The following CACNA2D3 variants were observed in gnomAD, a reference collection of about 807,000 sequenced individuals.
CACNA2D3 encodes the protein calcium voltage-gated channel auxiliary subunit alpha2delta 3, also known as voltage-dependent calcium channel subunit alpha-2/delta-3.
A neutral mutation model predicts 160.6 loss-of-function variants in CACNA2D3; 60 were observed. The ratio of observed to expected loss-of-function variants is 0.37; its 90% CI spans 0.30 to 0.46. The LOEUF is 0.46. Ranked by LOEUF, CACNA2D3 falls within the 20% of genes least tolerant of loss-of-function variation. The probability of loss-of-function intolerance (pLI) is 1.00; values close to 1 mark genes in which losing one functional copy is unlikely to be tolerated. For synonymous variants in CACNA2D3, 558 were observed against 492.9 expected (o/e 1.13, Z -1.75); for missense variants, 1,205 against 1,365.0 (o/e 0.88, Z 1.85).
At chr3:54,388,738 T>G (rs1246992973) in intron 4 of CACNA2D3, among the ~76,000 whole-genome samples, 1 of 152,304 alleles carries the variant, frequency 6.6e-6, no homozygotes, top group South Asian at 2.1e-4. Flanking sequence ...TTGAGCCTGA[T>G]TGTCAGAGAA....
intron 11 of CACNA2D3, among the ~76,000 whole-genome samples, chr3:54,651,646 C>T (rs971635730): frequency 3.9e-5 from 6 of 152,106 alleles, no homozygotes; most frequent in African/African-American, 1.4e-4. Context: ...GCTGGTGTCA[C>T]ATGCATCTTC....
chr3:54,141,084 T>TGTGTGTGTGTGTGTGTGTGCGC, intron 2 of CACNA2D3, among the ~76,000 whole-genome samples: 1 of 112,462 alleles, frequency 8.9e-6, no homozygotes, highest in Admixed American at 9.8e-5. Context: ...TGTGTGTGTG[T>TGTGTGTGTGTGTGTGTGTGCGC]GTGCGCGCGC....
intron 3 of CACNA2D3, among the ~76,000 whole-genome samples, chr3:54,350,148 T>C (rs1698527308): frequency 6.6e-6 from 1 of 152,216 alleles, no homozygotes; most frequent in Non-Finnish European, 1.5e-5. Context: ...TCAGAACTTG[T>C]ATTGTGAGGG....
intron 12 of CACNA2D3, 115 bp from the exon 13 acceptor site, chr3:54,764,103 G>GA: frequency 8.4e-7 from 1 of 1,185,030 alleles, no homozygotes; most frequent in African/African-American, 1.5e-5. Flanking sequence ...AGCTAACATT[G>GA]AAAAGAAAAA....
chr3:54,719,589 A>T (rs1210331468), intron 11 of CACNA2D3, among the ~76,000 whole-genome samples: 1 of 152,034 alleles, frequency 6.6e-6, no homozygotes, highest in African/African-American at 2.4e-5. Flanking sequence ...GTGTCAAGAC[A>T]GATACTGGTC....
intron 2 of CACNA2D3, among the ~76,000 whole-genome samples, chr3:54,217,287 C>G (rs976734184): frequency 6.6e-6 from 1 of 152,156 alleles, no homozygotes; most frequent in African/African-American, 2.4e-5. Flanking sequence ...GCCGCCTCCT[C>G]CTCCCTGCAG....
At chr3:54,461,420 T>C (rs1002174540) in intron 4 of CACNA2D3, among the ~76,000 whole-genome samples, 1 of 151,442 alleles carries the variant, frequency 6.6e-6, no homozygotes, top group African/African-American at 2.4e-5. Flanking sequence ...CTCTTTTTGA[T>C]TGGTAAGCTA....
intron 14 of CACNA2D3, among the ~76,000 whole-genome samples, chr3:54,836,062 T>A (rs1041417446): frequency 1.3e-5 from 2 of 152,160 alleles, no homozygotes; most frequent in Admixed American, 6.5e-5. Context: ...GTTCCAAGAC[T>A]CTGTTTCCCT....
chr3:54,846,456 C>T lies in CACNA2D3; in HGVS notation c.1615C>T (p.Leu539Phe), dbSNP rs1698934369. Residue 539 changes from leucine to phenylalanine, a missense_variant, in exon 17 of 38, where the codon CTC becomes TTC. By Grantham distance (22) the Leu-to-Phe change is conservative. Coordinates refer to ENST00000474759, the MANE Select transcript of CACNA2D3 (RefSeq NM_018398.3). The stretch of plus-strand genomic sequence containing the variant: ...TGGATATATCCTGACGCATCCGGAA[C>T]TCAGGCTGCTGGTAAGAGAAATTAT... ...NNGYILTHPE[L>F]RLLYEEGKKR... The T allele has an allele frequency of 6.3e-7, 1 of 1,594,344 alleles. No homozygotes were observed.
chr3:54,885,511 C>A lies in CACNA2D3; in HGVS notation c.1981C>A (p.His661Asn). Reference protein sequence around the residue: ...DEWSYCNTDLHPEHRHLSQLE... With the variant: ...DEWSYCNTDLNPEHRHLSQLE... ...TAGGTCCTACTGCAACACTGACCTA[C>A]ACCCTGAGCACCGCCATCTGTCTCA... Residue 661 changes from histidine (H) to asparagine (N), a missense_variant, in exon 23 of 38, where the codon CAC (histidine) becomes AAC (asparagine). Transcript: ENST00000474759. 1.9e-6 allele frequency: 3 copies of A among 1,613,770 alleles called. No homozygotes were observed. The highest frequency in any genetic ancestry group is 2.5e-6 in the Non-Finnish European group (3 of 1,179,762).
At chr3:54,622,401 G>C (rs1162992967) in intron 9 of CACNA2D3, among the ~76,000 whole-genome samples, 1 of 152,008 alleles carries the variant, frequency 6.6e-6, no homozygotes, top group Non-Finnish European at 1.5e-5. Flanking sequence ...TCAGCCTCCC[G>C]AGTAGCTGGG....
At chr3:54,655,940 C>G (rs941454681) in intron 11 of CACNA2D3, among the ~76,000 whole-genome samples, 1 of 152,174 alleles carries the variant, frequency 6.6e-6, no homozygotes, top group African/African-American at 2.4e-5. Context: ...AAGTGATTTC[C>G]TCTCCTTGTG....
At chr3:54,727,105 C>T (rs541481547) in intron 11 of CACNA2D3, among the ~76,000 whole-genome samples, 49 of 152,290 alleles carry the variant, frequency 3.2e-4, no homozygotes, top group Non-Finnish European at 5.3e-4. Flanking sequence ...AGGATATGAA[C>T]AGACACTTCT....
At chr3:54,233,363 A>C (rs530983874) in intron 2 of CACNA2D3, among the ~76,000 whole-genome samples, 1 of 152,226 alleles carries the variant, frequency 6.6e-6, no homozygotes, top group African/African-American at 2.4e-5. Flanking sequence ...TGTGGGCTGC[A>C]TAGAAAGGGT....
intron 2 of CACNA2D3, among the ~76,000 whole-genome samples, chr3:54,285,061 A>G (rs1254490889): frequency 6.6e-6 from 1 of 152,150 alleles, no homozygotes; most frequent in African/African-American, 2.4e-5. Flanking sequence ...TCATCTTACT[A>G]GGGAGTGCCA....
chr3:54,490,151 A>G (rs1701085101), intron 4 of CACNA2D3, among the ~76,000 whole-genome samples: 4 of 152,222 alleles, frequency 2.6e-5, no homozygotes, highest in Admixed American at 2.6e-4. Flanking sequence ...GAAGAAAACA[A>G]TAAGGAAAAA....
intron 2 of CACNA2D3, among the ~76,000 whole-genome samples, chr3:54,268,529 C>T (rs1702561410): frequency 6.6e-6 from 1 of 152,180 alleles, no homozygotes; most frequent in Admixed American, 6.5e-5. Context: ...CCTGCCTCAG[C>T]CTCCTGTCTA....
At chr3:54,613,118 C>T (rs1041068815) in intron 9 of CACNA2D3, among the ~76,000 whole-genome samples, 6 of 152,180 alleles carry the variant, frequency 3.9e-5, no homozygotes, top group African/African-American at 9.7e-5. Context: ...TGTGACTTAA[C>T]GGCCACAGAC....
At chr3:54,394,284 C>A (rs906836569) in intron 4 of CACNA2D3, among the ~76,000 whole-genome samples, 1 of 151,372 alleles carries the variant, frequency 6.6e-6, no homozygotes, top group Admixed American at 6.6e-5. Flanking sequence ...GGTGTGTAGG[C>A]AATCTGCCTG....
Sources: gnomAD v4.1 joint callset for allele counts (sites outside exome capture counted in the v4.1 genomes callset) on GRCh38, gnomAD v4.1.1 for gene constraint, MANE v1.5 for transcripts, NCBI Gene and HGNC (gene_info 2026-07-23, HGNC 2026-07-21) for gene names.